The following SEMA3E variants were observed in gnomAD, a reference collection of about 807,000 sequenced individuals.
SEMA3E encodes the protein semaphorin 3E, also known as semaphorin-3E.
A neutral mutation model predicts 93.6 loss-of-function variants in SEMA3E; 49 were observed. That is an observed-to-expected ratio of 0.52 (90% CI 0.42 to 0.66). The LOEUF is 0.66. SEMA3E is among the 30% of genes least tolerant of loss of function. The probability of loss-of-function intolerance (pLI) is 0.00; values close to 1 mark genes in which losing one functional copy is unlikely to be tolerated. For synonymous variants in SEMA3E, 363 were observed against 330.7 expected (o/e 1.10, Z -1.06); for missense variants, 906 against 964.8 (o/e 0.94, Z 0.81).
At chr7:83,434,948 C>T (rs2115760359) in intron 4 of SEMA3E, among the ~76,000 whole-genome samples, 1 of 151,790 alleles carries the variant, frequency 6.6e-6, no homozygotes, top group East Asian at 2.0e-4. Flanking sequence ...CTCCTGACCT[C>T]GTGATCCGCC....
chr7:83,570,046 A>T (rs1404474438), intron 1 of SEMA3E, among the ~76,000 whole-genome samples: 1 of 152,238 alleles, frequency 6.6e-6, no homozygotes, highest in Non-Finnish European at 1.5e-5. Context: ...TGCAATAAAA[A>T]TAGAAAACAA....
At chr7:83,445,289 TTTTG>T (rs1425149535) in intron 4 of SEMA3E, among the ~76,000 whole-genome samples, 12 of 152,214 alleles carry the variant, frequency 7.9e-5, no homozygotes, top group East Asian at 1.9e-4. Context: ...GAGGCAAAAT[TTTTG>T]TTTGTTTTAT....
chr7:83,431,024 GATT>G (rs1341673600), intron 4 of SEMA3E, among the ~76,000 whole-genome samples: 1 of 150,110 alleles, frequency 6.7e-6, no homozygotes, highest in Admixed American at 6.7e-5. Context: ...TGAAAACATT[GATT>G]ATTAATGGTT....
chr7:83,386,908 CTT>C, intron 15 of SEMA3E, 73 bp downstream of exon 15: 8 of 1,302,590 alleles, frequency 6.1e-6, no homozygotes, highest in Non-Finnish European at 8.8e-6. Context: ...AAAAAGGACT[CTT>C]TTTAAGAAGT....
At chr7:83,572,420 C>G (rs1792305343) in intron 1 of SEMA3E, among the ~76,000 whole-genome samples, 1 of 152,074 alleles carries the variant, frequency 6.6e-6, no homozygotes, top group Non-Finnish European at 1.5e-5. Context: ...GCGGGTGGAT[C>G]AGGAGGTCAA....
At chr7:83,380,817 A>G (rs1330686040) in intron 16 of SEMA3E, among the ~76,000 whole-genome samples, 1 of 151,960 alleles carries the variant, frequency 6.6e-6, no homozygotes, top group East Asian at 1.9e-4. Context: ...AGTTCAAAAC[A>G]CCAATTGCAG....
intron 1 of SEMA3E, among the ~76,000 whole-genome samples, chr7:83,570,532 G>A (rs1471925069): frequency 9.9e-6 from 1 of 100,568 alleles, no homozygotes. Flanking sequence ...CAGCCTGGGC[G>A]ACAGAGCGAG....
chr7:83,552,506 G>A (rs538799367), intron 1 of SEMA3E, among the ~76,000 whole-genome samples: 122 of 152,258 alleles, frequency 8.0e-4, no homozygotes, highest in Non-Finnish European at 1.5e-3. Context: ...CTGACTAACC[G>A]CGGGGTTGGG....
At chr7:83,521,724 A>G (rs1309014009) in intron 1 of SEMA3E, among the ~76,000 whole-genome samples, 1 of 152,040 alleles carries the variant, frequency 6.6e-6, no homozygotes, top group Non-Finnish European at 1.5e-5. Context: ...GGGAACAGAG[A>G]AAGTGTCTGG....
chr7:83,593,264 C>CTG (rs1792791711), intron 1 of SEMA3E, among the ~76,000 whole-genome samples: 1 of 101,968 alleles, frequency 9.8e-6, no homozygotes, highest in African/African-American at 5.0e-5. Context: ...CTCTCTGTCT[C>CTG]TCTCTCTCTC....
intron 1 of SEMA3E, among the ~76,000 whole-genome samples, chr7:83,603,387 T>C (rs957022169): frequency 1.3e-5 from 2 of 152,142 alleles, no homozygotes; most frequent in Admixed American, 6.5e-5. Flanking sequence ...ACAGGTCCTT[T>C]TTGAAAAAAT....
At chr7:83,486,682 C>T (rs2115963124) in intron 2 of SEMA3E, among the ~76,000 whole-genome samples, 1 of 152,164 alleles carries the variant, frequency 6.6e-6, no homozygotes, top group Non-Finnish European at 1.5e-5. Context: ...AGAACAAGTA[C>T]AAAATAAGAA....
chr7:83,543,370 T>G (rs117493094), intron 1 of SEMA3E, among the ~76,000 whole-genome samples: 15 of 152,110 alleles, frequency 9.9e-5, no homozygotes, highest in African/African-American at 2.2e-4. Flanking sequence ...TTTTTTTTAT[T>G]AAACAAGACA....
At chr7:83,570,521 C>T (rs1363338615) in intron 1 of SEMA3E, among the ~76,000 whole-genome samples, 1 of 108,300 alleles carries the variant, frequency 9.2e-6, no homozygotes, top group Non-Finnish European at 1.7e-5. Context: ...CCACTGCACT[C>T]CAGCCTGGGC....
At chr7:83,512,208 GA>G (rs1172166971) in intron 1 of SEMA3E, among the ~76,000 whole-genome samples, 1 of 152,120 alleles carries the variant, frequency 6.6e-6, no homozygotes, top group Non-Finnish European at 1.5e-5. Context: ...TCTTTGTCTA[GA>G]AAGTGTGCTT....
intron 2 of SEMA3E, among the ~76,000 whole-genome samples, chr7:83,484,903 A>G (rs1251436809): frequency 6.6e-6 from 1 of 152,196 alleles, no homozygotes; most frequent in East Asian, 1.9e-4. Flanking sequence ...AATCAAGGGA[A>G]GAGTGTTGAG....
chr7:83,425,265 C>T (rs536901261), intron 4 of SEMA3E, among the ~76,000 whole-genome samples: 1 of 151,882 alleles, frequency 6.6e-6, no homozygotes, highest in South Asian at 2.1e-4. Flanking sequence ...AAGCCTGGAA[C>T]TAGAAACACA....
chr7:83,530,813 G>A (rs1357405372), intron 1 of SEMA3E, among the ~76,000 whole-genome samples: 1 of 152,038 alleles, frequency 6.6e-6, no homozygotes, highest in East Asian at 1.9e-4. Context: ...GGGAGGCGGA[G>A]GCTGCAGTGA....
intron 4 of SEMA3E, among the ~76,000 whole-genome samples, chr7:83,439,379 TAGC>T (rs1789065594): frequency 6.6e-6 from 1 of 152,238 alleles, no homozygotes; most frequent in African/African-American, 2.4e-5. Flanking sequence ...TGCAGCCATA[TAGC>T]TCTCTTGGAG....
Sources: allele counts gnomAD v4.1 joint callset (sites outside exome capture counted in the v4.1 genomes callset), GRCh38; gene constraint gnomAD v4.1.1; transcripts MANE v1.5; gene names NCBI Gene and HGNC (gene_info 2026-07-23, HGNC 2026-07-21).